CHCHD3: variants seen among roughly 807,000 people sequenced by gnomAD.
CHCHD3 encodes the protein coiled-coil-helix-coiled-coil-helix domain containing 3.
In CHCHD3, 20 loss-of-function variants were observed where a neutral mutation model predicts 38.2. That is an observed-to-expected ratio of 0.52 (90% confidence interval 0.37 to 0.76). The LOEUF (loss-of-function observed/expected upper bound fraction) is 0.76. CHCHD3 is among the 30% of genes least tolerant of loss of function. CHCHD3 has a pLI of 0.00. For synonymous variants in CHCHD3, 82 were observed against 100.0 expected, an observed-to-expected ratio of 0.82 and a Z score of 1.07; for missense variants, 245 against 279.2, an observed-to-expected ratio of 0.88 and a Z score of 0.87.
At chr7:132,910,380 G>A (rs1339573803) in intron 4 of CHCHD3, among the ~76,000 whole-genome samples, 5 of 152,198 alleles carry the variant, frequency 3.3e-5, no homozygotes, top group Admixed American at 6.5e-5. Context: ...ATACTTGCCT[G>A]TATTGTTCAG....
intron 2 of CHCHD3, among the ~76,000 whole-genome samples, chr7:133,064,644 T>C (rs1220951803): frequency 2.6e-5 from 4 of 152,244 alleles, no homozygotes; most frequent in South Asian, 2.1e-4. Context: ...CCTGCTCAAA[T>C]TGGTTTCCTG....
intron 4 of CHCHD3, among the ~76,000 whole-genome samples, chr7:132,905,151 G>A (rs776163290): frequency 7.2e-5 from 11 of 151,954 alleles, no homozygotes; most frequent in Non-Finnish European, 1.0e-4. Flanking sequence ...TAATGTAAAC[G>A]ACGAGTTAAT....
chr7:133,030,215 T>A (rs536011687), intron 2 of CHCHD3, among the ~76,000 whole-genome samples: 1 of 152,160 alleles, frequency 6.6e-6, no homozygotes, highest in Admixed American at 6.5e-5. Context: ...CATCTAAGCT[T>A]CATGGTATTT....
At chr7:132,894,981 C>T (rs1167554077) in intron 4 of CHCHD3, among the ~76,000 whole-genome samples, 2 of 152,148 alleles carry the variant, frequency 1.3e-5, no homozygotes, top group Non-Finnish European at 2.9e-5. Flanking sequence ...ATGTCTTAAT[C>T]AACAGTGATG....
chr7:132,832,510 T>C (rs1340330723), intron 6 of CHCHD3, among the ~76,000 whole-genome samples: 1 of 152,218 alleles, frequency 6.6e-6, no homozygotes, highest in Non-Finnish European at 1.5e-5. Context: ...ATATTTTTTC[T>C]TTCTTTTATG....
intron 4 of CHCHD3, among the ~76,000 whole-genome samples, chr7:132,942,406 G>A (rs1810791646): frequency 6.6e-6 from 1 of 152,100 alleles, no homozygotes; most frequent in African/African-American, 2.4e-5. Flanking sequence ...TCCACACTGA[G>A]CATGTATCCT....
chr7:132,986,945 G>T (rs933019019), intron 3 of CHCHD3, among the ~76,000 whole-genome samples: 17 of 152,076 alleles, frequency 1.1e-4, no homozygotes, highest in Non-Finnish European at 1.5e-5. Flanking sequence ...CAGTCTTTTG[G>T]TTGTACAAGA....
chr7:133,003,795 A>T (rs914842736), intron 3 of CHCHD3, among the ~76,000 whole-genome samples: 1 of 152,210 alleles, frequency 6.6e-6, no homozygotes, highest in Non-Finnish European at 1.5e-5. Flanking sequence ...TGAGATAAAA[A>T]TACACGGAGG....
intron 2 of CHCHD3, among the ~76,000 whole-genome samples, chr7:133,045,242 T>C (rs770706656): frequency 6.6e-6 from 1 of 152,154 alleles, no homozygotes; most frequent in Non-Finnish European, 1.5e-5. Context: ...ACAATACACT[T>C]AAGCTGTCAG....
intron 3 of CHCHD3, among the ~76,000 whole-genome samples, chr7:132,998,775 A>G (rs1422596604): frequency 1.3e-5 from 2 of 152,174 alleles, no homozygotes. Flanking sequence ...GGAAGTACCT[A>G]ATCTAAAATA....
intron 1 of CHCHD3, among the ~76,000 whole-genome samples, chr7:133,071,851 G>A (rs1401004579): frequency 1.3e-5 from 2 of 152,000 alleles, no homozygotes; most frequent in African/African-American, 2.4e-5. Flanking sequence ...CAAACACAAG[G>A]GCCACATATT....
chr7:132,824,678 C>G (rs1440159197), intron 6 of CHCHD3, among the ~76,000 whole-genome samples: 1 of 152,188 alleles, frequency 6.6e-6, no homozygotes. Context: ...TAAAATACGG[C>G]ATTTCAAGTT....
chr7:133,066,773 C>T (rs1814681697), intron 2 of CHCHD3, among the ~76,000 whole-genome samples: 1 of 152,130 alleles, frequency 6.6e-6, no homozygotes, highest in Admixed American at 6.5e-5. Context: ...AATATCAAAA[C>T]AACCCAAGAG....
chr7:133,021,496 T>C (rs1028205774), intron 3 of CHCHD3, among the ~76,000 whole-genome samples: 4 of 152,222 alleles, frequency 2.6e-5, no homozygotes, highest in Non-Finnish European at 5.9e-5. Flanking sequence ...TTGAGCTATA[T>C]ATCCTTTATG....
intron 4 of CHCHD3, among the ~76,000 whole-genome samples, chr7:132,919,384 T>TACA (rs1308738039): frequency 1.3e-5 from 2 of 152,174 alleles, no homozygotes; most frequent in East Asian, 1.9e-4. Context: ...GTGCTGGGAT[T>TACA]ACAGGCGTGA....
intron 6 of CHCHD3, among the ~76,000 whole-genome samples, chr7:132,816,085 T>C (rs1807194457): frequency 6.6e-6 from 1 of 152,246 alleles, no homozygotes; most frequent in Non-Finnish European, 1.5e-5. Context: ...GGTTCGGCAC[T>C]TTCTTATGGT....
intron 2 of CHCHD3, among the ~76,000 whole-genome samples, chr7:133,050,512 C>A (rs1272803462): frequency 6.6e-6 from 1 of 151,994 alleles, no homozygotes. Context: ...ACATGGACAA[C>A]ATGGAGGCAG....
intron 2 of CHCHD3, among the ~76,000 whole-genome samples, chr7:133,056,612 G>A (rs1271795027): frequency 6.6e-6 from 1 of 152,166 alleles, no homozygotes; most frequent in Admixed American, 6.6e-5. Context: ...TGGAACAAGG[G>A]CACAGAAAAC....
At chr7:132,959,128 G>A (rs925358755) in intron 4 of CHCHD3, among the ~76,000 whole-genome samples, 5 of 152,160 alleles carry the variant, frequency 3.3e-5, no homozygotes, top group Non-Finnish European at 7.4e-5. Context: ...GTCTATTTTT[G>A]AAAAGGCATA....
Sources: allele counts gnomAD v4.1 joint callset (sites outside exome capture counted in the v4.1 genomes callset), GRCh38; gene constraint gnomAD v4.1.1; transcripts MANE v1.5; gene names NCBI Gene and HGNC (gene_info 2026-07-23, HGNC 2026-07-21).